DTD1: variants seen among roughly 807,000 people sequenced by gnomAD.
DTD1 encodes D-tyrosyl-tRNA deacylase 1 homolog.
Under a neutral mutation model 25.6 loss-of-function variants are expected in DTD1, and 13 were observed. The observed-to-expected ratio is 0.51, with a 90% confidence interval of 0.33 to 0.81. The LOEUF (loss-of-function observed/expected upper bound fraction) is 0.81, where lower values mean the gene tolerates loss of function less well. DTD1 is among the 30% of genes least tolerant of loss of function. The probability of loss-of-function intolerance (pLI) is 0.02; values close to 1 mark genes in which losing one functional copy is unlikely to be tolerated. For synonymous variants in DTD1, 110 were observed against 103.6 expected (o/e 1.06, Z -0.37); for missense variants, 193 against 266.4 (o/e 0.72, Z 1.92).
intron 4 of DTD1, among the ~76,000 whole-genome samples, chr20:18,680,417 G>GTT (rs3056280): frequency 0.17 from 17,464 of 105,016 alleles, 1,369 homozygotes; most frequent in Admixed American, 0.21. Flanking sequence ...TGTTGTCTAC[G>GTT]TTTTTTTTTT....
intron 5 of DTD1, among the ~76,000 whole-genome samples, chr20:18,756,374 G>C (rs2122536900): frequency 6.6e-6 from 1 of 152,230 alleles, no homozygotes; most frequent in East Asian, 1.9e-4. Context: ...GTATTGCCTA[G>C]GTTTTCTTCT....
chr20:18,602,785 G>A (rs2060640947), intron 3 of DTD1, among the ~76,000 whole-genome samples: 1 of 82,774 alleles, frequency 1.2e-5, no homozygotes, highest in Admixed American at 1.3e-4. Context: ...CGCTAAACAT[G>A]GAAAGGAACA....
chr20:18,635,127 C>T (rs2060801987), intron 4 of DTD1, among the ~76,000 whole-genome samples: 1 of 152,184 alleles, frequency 6.6e-6, no homozygotes, highest in Non-Finnish European at 1.5e-5. Flanking sequence ...GAGTTGTTGA[C>T]TTGCTGCAGG....
intron 4 of DTD1, among the ~76,000 whole-genome samples, chr20:18,728,668 T>C (rs1417274456): frequency 1.3e-5 from 2 of 152,144 alleles, no homozygotes; most frequent in East Asian, 1.9e-4. Context: ...TTGTCAGATC[T>C]TTTTGAGGCC....
At chr20:18,661,564 G>T (rs1439142993) in intron 4 of DTD1, among the ~76,000 whole-genome samples, 2 of 151,962 alleles carry the variant, frequency 1.3e-5, no homozygotes, top group African/African-American at 2.4e-5. Flanking sequence ...GTAGAGACGG[G>T]GTTTCACCGT....
chr20:18,724,221 C>G (rs1248570718), intron 4 of DTD1, among the ~76,000 whole-genome samples: 2 of 152,154 alleles, frequency 1.3e-5, no homozygotes, highest in African/African-American at 4.8e-5. Context: ...AAGGACCTGG[C>G]TGTGTGGAGA....
intron 5 of DTD1, among the ~76,000 whole-genome samples, chr20:18,756,676 T>TGTA (rs926975154): frequency 2.0e-5 from 3 of 152,000 alleles, no homozygotes; most frequent in Admixed American, 1.3e-4. Context: ...ACTGTAGCCT[T>TGTA]GTAGTATAGT....
chr20:18,690,047 G>T (rs1213864388), intron 4 of DTD1, among the ~76,000 whole-genome samples: 4 of 149,498 alleles, frequency 2.7e-5, no homozygotes, highest in Non-Finnish European at 5.9e-5. Flanking sequence ...GAGGTGGGAG[G>T]ATCACTTGAG....
rs2061315017 is a variant in DTD1 at position 18,749,773 on chromosome 20, G to A, written c.*19+5502G>A. On this transcript the variant is annotated intron_variant, in intron 5 of 5. Coordinates refer to ENST00000377452, the MANE Select transcript of DTD1 (RefSeq NM_080820.6). The surrounding 1 kb of genome is among the most constrained non-coding windows in gnomAD (Gnocchi z 4.2). The stretch of plus-strand genomic sequence containing the variant: ...CCACCCTGCCACAGAGGACACTGAG[G>A]ACCCAGAGTACTGTTGACATTAAGG... 6.6e-6 allele frequency among the ~76,000 whole-genome samples: 1 copy of A among 152,178 alleles called. No homozygotes were observed. The highest frequency in any genetic ancestry group is 2.4e-5 in the African/African-American group (1 of 41,444).
At chr20:18,706,955 G>A (rs2061129065) in intron 4 of DTD1, among the ~76,000 whole-genome samples, 1 of 152,184 alleles carries the variant, frequency 6.6e-6, no homozygotes, top group African/African-American at 2.4e-5. Flanking sequence ...TATCCATCAG[G>A]TGTGCCCCCT....
chr20:18,765,851 T>C lies in DTD1; in HGVS notation c.*2511T>C, dbSNP rs2061377383. 6.6e-6 allele frequency: 1 copy of C among 152,240 alleles called. No individual in the cohort carries two copies. Among genetic ancestry groups the C allele is most frequent in the Admixed American group, 6.5e-5 (1 of 15,292 alleles). The allele number at this position is 152,240 out of a possible 1,614,324, so 9.4% of individuals were successfully genotyped here. On this transcript the variant is annotated 3_prime_UTR_variant, in exon 6 of 6. Transcript: ENST00000377452. ...ATACTGCTTATTGTCCATTAAAACA[T>C]CATTTGAATGAGGATGGGAGAGGAG...
At chr20:18,744,033 G>A in intron 4 of DTD1, 67 bp from the exon 5 acceptor site, 9 of 1,503,484 alleles carry the variant, frequency 6.0e-6, no homozygotes, top group Non-Finnish European at 8.0e-6. Flanking sequence ...GGAAGTCACT[G>A]GTGTGTGGGA....
intron 4 of DTD1, among the ~76,000 whole-genome samples, chr20:18,692,375 C>A (rs2061050914): frequency 6.6e-6 from 1 of 152,214 alleles, no homozygotes; most frequent in African/African-American, 2.4e-5. Context: ...GCCACAAGCT[C>A]TCTGTATCTC....
rs1429191330 is a variant in DTD1, at chr20:18,749,833, T to G, written c.*19+5562T>G. Among the ~76,000 whole-genome samples the G allele has an allele frequency of 1.3e-5, 2 of 152,190 alleles. No individual in the cohort carries two copies. The highest frequency in any genetic ancestry group is 2.9e-5 in the Non-Finnish European group (2 of 68,028). On this transcript the variant is annotated intron_variant, in intron 5 of 5. Transcript: ENST00000377452. This position sits in a 1 kb window ranked among gnomAD's most constrained non-coding sequence, Gnocchi z 4.2. Reference sequence around the variant, plus strand: ...GCCTCTGTCTGGTCAGGAACGCCCCTATTGCTACTCAGCGCATGGAGGCTC... The same window carrying G: ...GCCTCTGTCTGGTCAGGAACGCCCCGATTGCTACTCAGCGCATGGAGGCTC...
At chr20:18,732,739 A>C (rs2061242736) in intron 4 of DTD1, among the ~76,000 whole-genome samples, 1 of 152,242 alleles carries the variant, frequency 6.6e-6, no homozygotes, top group Non-Finnish European at 1.5e-5. Flanking sequence ...TGTCACACGT[A>C]TGGAGTACTG....
chr20:18,590,080 G>A (rs2060583091), intron 1 of DTD1, among the ~76,000 whole-genome samples: 1 of 152,136 alleles, frequency 6.6e-6, no homozygotes, highest in Non-Finnish European at 1.5e-5. Flanking sequence ...TTAACTTCCT[G>A]TTTTATGGTC....
At chr20:18,673,433 T>C (rs1030915739) in intron 4 of DTD1, among the ~76,000 whole-genome samples, 3 of 152,224 alleles carry the variant, frequency 2.0e-5, no homozygotes, top group Non-Finnish European at 1.5e-5. Flanking sequence ...CCCAGATTCC[T>C]GCTCTTATAT....
chr20:18,745,355 G>A (rs2061295850), intron 5 of DTD1, among the ~76,000 whole-genome samples: 1 of 152,332 alleles, frequency 6.6e-6, no homozygotes, highest in African/African-American at 2.4e-5. Context: ...CAGGGAACCT[G>A]TTTATTTTGC....
chr20:18,734,208 G>T lies in DTD1; in HGVS notation c.478-9892G>T, dbSNP rs1293861998. 3.9e-5 allele frequency among the ~76,000 whole-genome samples: 6 copies of T among 152,274 alleles called. No individual in the cohort carries two copies. The South Asian group carries it at 8.3e-4, about 21-fold the overall frequency. On this transcript the variant is annotated intron_variant, in intron 4 of 5. Coordinates refer to ENST00000377452, the MANE Select transcript of DTD1 (RefSeq NM_080820.6). ...AATAAATGACATTTGCTCACTGCAG[G>T]TTGCCTCCTCCTTCTTTCCCCGTCC...
Sources: allele counts gnomAD v4.1 joint callset (sites outside exome capture counted in the v4.1 genomes callset), GRCh38; gene constraint gnomAD v4.1.1; non-coding constraint Gnocchi (gnomAD v3.1); transcripts MANE v1.5; gene names NCBI Gene and HGNC (gene_info 2026-07-23, HGNC 2026-07-21).